The following ACOT11 variants were observed in gnomAD, a reference collection of about 807,000 sequenced individuals.
The protein encoded by ACOT11 is acyl-CoA thioesterase 11, also known as acyl-coenzyme A thioesterase 11.
Under a neutral mutation model 77.5 loss-of-function variants are expected in ACOT11, and 69 were observed. The ratio of observed to expected loss-of-function variants is 0.89; its 90% CI spans 0.73 to 1.09. The LOEUF is 1.09. ACOT11 is among the 50% of genes least tolerant of loss of function. ACOT11 has a pLI of 0.00. For synonymous variants in ACOT11, 279 were observed against 313.0 expected (o/e 0.89, Z 1.15); for missense variants, 766 against 813.7 (o/e 0.94, Z 0.71).
At chr1:54,614,770 GC>G, downstream of ACOT11, 2 of 1,614,150 alleles carry the variant, frequency 1.2e-6, no homozygotes, top group South Asian at 2.2e-5. Flanking sequence ...ATCCATATGG[GC>G]CGCCGGACTT....
At chr1:54,588,634 G>C (rs1050502537) in intron 3 of ACOT11, among the ~76,000 whole-genome samples, 6 of 152,218 alleles carry the variant, frequency 3.9e-5, no homozygotes, top group Non-Finnish European at 8.8e-5. Flanking sequence ...TGAGCTGCCA[G>C]TACTGTCAGC....
chr1:54,611,793 C>A, downstream of ACOT11: 1 of 1,609,354 alleles, frequency 6.2e-7, no homozygotes, highest in Non-Finnish European at 8.5e-7. Flanking sequence ...CCAGCAAGAC[C>A]CTCAGCCCCA....
rs33913350 is a variant in ACOT11, at chr1:54,587,550, C to CTTTTTT, written c.311+1667_311+1672dup. Among the ~76,000 whole-genome samples, 18 of 73,542 alleles carry CTTTTTT rather than the reference C, an allele frequency of 2.4e-4. 1 individual carries two copies. The highest frequency in any genetic ancestry group is 4.1e-4 in the East Asian group (1 of 2,444). 48.2% of individuals were successfully genotyped at this position (73,542 alleles called of 152,430 possible). A position where few individuals can be genotyped will look rare whatever the true frequency, so the allele number is the denominator to read the frequency against. On this transcript the variant is annotated intron_variant, in intron 3 of 15. Coordinates refer to ENST00000343744, the MANE Select transcript of ACOT11 (RefSeq NM_147161.4). The stretch of plus-strand genomic sequence containing the variant: ...AAGAAAAAGGCTCTGGTTTGTAATC[C>CTTTTTT]TTTTTTTTTTTTTTTTTTTTTTTTT...
At chr1:54,614,081 T>C (rs1644145933), downstream of ACOT11, among the ~76,000 whole-genome samples, 1 of 152,244 alleles carries the variant, frequency 6.6e-6, no homozygotes, top group Non-Finnish European at 1.5e-5. Flanking sequence ...CAAATTGAGC[T>C]TCCACTATTG....
intron 1 of ACOT11, among the ~76,000 whole-genome samples, chr1:54,557,346 C>T (rs1013119966): frequency 7.1e-6 from 1 of 140,712 alleles, no homozygotes; most frequent in African/African-American, 2.7e-5. Context: ...GAGCCGAGAT[C>T]ATGCCACTGC....
chr1:54,601,220 G>T (rs1310149592), intron 8 of ACOT11, 49 bp from the exon 9 acceptor site: 6 of 1,584,690 alleles, frequency 3.8e-6, no homozygotes, highest in Admixed American at 1.7e-5. Flanking sequence ...AGGAGGCATG[G>T]CCCTTGGGAA....
At chr1:54,550,754 C>T (rs1339812640) in intron 1 of ACOT11, among the ~76,000 whole-genome samples, 1 of 151,482 alleles carries the variant, frequency 6.6e-6, no homozygotes, top group Non-Finnish European at 1.5e-5. Flanking sequence ...GCCTGGGAGG[C>T]GGAGGCTGCA....
intron 1 of ACOT11, among the ~76,000 whole-genome samples, chr1:54,570,681 C>CT (rs35537173): frequency 0.044 from 6,462 of 146,634 alleles, 245 homozygotes; most frequent in East Asian, 0.17. Flanking sequence ...CGTGCCTGGC[C>CT]TTTTTTTTTT....
intron 8 of ACOT11, 28 bp downstream of exon 8, chr1:54,599,443 G>T: frequency 6.3e-7 from 1 of 1,581,088 alleles, no homozygotes; most frequent in Non-Finnish European, 8.6e-7. Flanking sequence ...GTGCGGCCAC[G>T]TCCATTCAGG....
intron 1 of ACOT11, among the ~76,000 whole-genome samples, chr1:54,575,733 T>C (rs1002642049): frequency 2.0e-5 from 3 of 152,222 alleles, no homozygotes; most frequent in Non-Finnish European, 4.4e-5. Context: ...TGGAGAGCAC[T>C]GCAGAAGTGA....
chr1:54,569,429 C>T (rs375890435), intron 1 of ACOT11, among the ~76,000 whole-genome samples: 25 of 152,304 alleles, frequency 1.6e-4, no homozygotes, highest in African/African-American at 5.5e-4. Flanking sequence ...CCAGGCCACA[C>T]GCAGCCTGGC....
Position 54,607,356 on chromosome 1 carries a change from G to T in ACOT11, c.1502+91G>T. ...CCTCCCAGGGAAGGGCATCAGCCTG[G>T]AGCCAGAGCTCTGCTTCCCATTGGC... On this transcript the variant is annotated intron_variant, in intron 14 of 15. Transcript: ENST00000343744. The surrounding 1 kb of genome is among the most constrained non-coding windows in gnomAD (Gnocchi z 4.5). 1 of 1,571,244 alleles carries T rather than the reference G, an allele frequency of 6.4e-7. No homozygotes were observed.
At chr1:54,574,722 A>G (rs1048311090) in intron 1 of ACOT11, among the ~76,000 whole-genome samples, 1 of 152,102 alleles carries the variant, frequency 6.6e-6, no homozygotes, top group Non-Finnish European at 1.5e-5. Flanking sequence ...TTCAAATGCA[A>G]TCTACCTGTC....
At position 54,601,325 on chromosome 1, in the gene ACOT11, G is replaced by A. The variant is rs767711246; in HGVS notation, c.941G>A (p.Arg314His). Reference sequence around the variant, plus strand: ...CGCCAGGAGGCTGAGACCCACCGGCGCCACATCAACAGTGCCTTTATGACC... The same window carrying A: ...CGCCAGGAGGCTGAGACCCACCGGCACCACATCAACAGTGCCTTTATGACC... The part of the protein sequence containing the change: ...AYRQEAETHR[R>H]HINSAFMTFV... The change falls in exon 9 of 16, where the codon CGC becomes CAC. Residue 314 changes from arginine (R) to histidine (H), a missense_variant. Arg to His is a conservative substitution (Grantham distance 29). Transcript: ENST00000343744. 22 of 1,613,362 alleles carry A rather than the reference G, an allele frequency of 1.4e-5. No homozygotes were observed. Among genetic ancestry groups the A allele is most frequent in the Admixed American group, 8.3e-5 (5 of 59,992 alleles).
In ACOT11 at chr1:54,608,046, G is replaced by A. The variant is rs12403630; in HGVS notation, c.1607G>A (p.Arg536His). The change falls in exon 15 of 16, where the codon CGC becomes CAC. Residue 536 changes from arginine to histidine, a missense_variant. By Grantham distance (29) the Arg-to-His change is conservative. Coordinates refer to ENST00000343744, the MANE Select transcript of ACOT11 (RefSeq NM_147161.4). ...CTCTGCTCAGGCTTCTGCCTCTGGCGCGAGGGGGACCAGCTGACCAAGGTG... is the reference window on the plus strand; with the variant it reads ...CTCTGCTCAGGCTTCTGCCTCTGGCACGAGGGGGACCAGCTGACCAAGGTG... ...ETLCSGFCLW[R>H]EGDQLTKVSY... The A allele has an allele frequency of 0.011, 18,166 of 1,611,490 alleles. 1,205 individuals are homozygous for A. The African/African-American group carries it at 0.16, about 15-fold the overall frequency.
downstream of ACOT11, among the ~76,000 whole-genome samples, chr1:54,613,418 C>T (rs935743227): frequency 6.6e-6 from 1 of 150,384 alleles, no homozygotes; most frequent in Non-Finnish European, 1.5e-5. Context: ...CTGCTTTCCT[C>T]CCTCCTTCCC....
chr1:54,609,595 T>C lies in ACOT11; in HGVS notation c.*483T>C, dbSNP rs1644087215. 3 of 1,613,214 alleles carry C rather than the reference T, an allele frequency of 1.9e-6. No homozygotes were observed. The highest frequency in any genetic ancestry group is 4.5e-5 in the East Asian group (2 of 44,892). On this transcript the variant is annotated 3_prime_UTR_variant, in exon 16 of 16. Transcript: ENST00000343744. ...CCAGCACCTCCTCAGGCCAGCCTGGTGCCACAGTCACGTGGGGGAAGACCT... is the reference window on the plus strand; with the variant it reads ...CCAGCACCTCCTCAGGCCAGCCTGGCGCCACAGTCACGTGGGGGAAGACCT...
intron 1 of ACOT11, among the ~76,000 whole-genome samples, chr1:54,556,571 T>G (rs934766022): frequency 6.6e-6 from 1 of 152,004 alleles, no homozygotes; most frequent in Non-Finnish European, 1.5e-5. Flanking sequence ...TAATGATTTA[T>G]AGTTTTCATT....
chr1:54,548,513 T>G lies in ACOT11; in HGVS notation c.33+171T>G, dbSNP rs138593972. On this transcript the variant is annotated intron_variant, in intron 1 of 15. Transcript: ENST00000343744. ...GCAGAACCCCTGGGCTGGTTTATTA[T>G]CAGCAGCAATCTCCAAACAAGCCCC... is the stretch of plus-strand genomic sequence containing the variant. 4.8e-5 allele frequency: 41 copies of G among 849,748 alleles called. No individual in the cohort carries two copies. In the East Asian group the frequency reaches 8.7e-4, roughly 18 times the overall value. The allele number at this position is 849,748 out of a possible 1,614,324, so 52.6% of individuals were successfully genotyped here.
Sources: gnomAD v4.1 joint callset for allele counts (sites outside exome capture counted in the v4.1 genomes callset) on GRCh38, gnomAD v4.1.1 for gene constraint, Gnocchi (gnomAD v3.1) non-coding constraint, MANE v1.5 for transcripts, NCBI Gene and HGNC (gene_info 2026-07-23, HGNC 2026-07-21) for gene names.